The following SEC23A variants were observed in gnomAD, a reference collection of about 807,000 sequenced individuals.
The protein encoded by SEC23A is SEC23 homolog A, COPII component.
SEC23A carries 56 observed loss-of-function variants against 103.7 expected under a neutral mutation model. That is an observed-to-expected ratio of 0.54 (90% CI 0.44 to 0.67). The LOEUF (loss-of-function observed/expected upper bound fraction) is 0.67. SEC23A is among the 30% of genes least tolerant of loss of function. SEC23A has a pLI of 0.00. For missense variants in SEC23A, 784 were observed against 936.4 expected (o/e 0.84, Z 2.12); for synonymous variants, 281 against 293.0 (o/e 0.96, Z 0.42).
At chr14:39,050,421 C>T (rs1340680174) in intron 14 of SEC23A, among the ~76,000 whole-genome samples, 1 of 152,128 alleles carries the variant, frequency 6.6e-6, no homozygotes, top group African/African-American at 2.4e-5. Context: ...TCTGTAAAAA[C>T]AGTAAAGCTA....
chr14:39,102,990 C>A, intron 1 of SEC23A, 42 bp downstream of exon 1: 1 of 153,580 alleles, frequency 6.5e-6, no homozygotes, highest in South Asian at 1.8e-4. Context: ...TCCCAGCCCC[C>A]AGCCCGCCGC....
In SEC23A at chr14:39,064,958, T is replaced by C; in HGVS notation, c.1263A>G (p.Gly421=). The change falls in exon 11 of 20, where the codon GGA becomes GGG. Residue 421 remains glycine (G), a synonymous_variant. Coordinates refer to ENST00000307712, the MANE Select transcript of SEC23A (RefSeq NM_006364.4). ...SREIKISGAI[G]PCVSLNSKGP... Reference sequence around the variant, plus strand: ...CTTTAGAATTGAGTGACACACAGGGTCCAATAGCTCCTGAAATCTTTATTT... The same window carrying C: ...CTTTAGAATTGAGTGACACACAGGGCCCAATAGCTCCTGAAATCTTTATTT... 2 of 1,613,292 alleles carry C rather than the reference T, an allele frequency of 1.2e-6. No individual in the cohort carries two copies. Among genetic ancestry groups the C allele is most frequent in the Non-Finnish European group, 1.7e-6 (2 of 1,179,292 alleles).
chr14:39,067,160 T>C lies in SEC23A; in HGVS notation c.1227+13A>G. 5 of 1,613,660 alleles carry C rather than the reference T, an allele frequency of 3.1e-6. No homozygotes were observed. Among genetic ancestry groups the C allele is most frequent in the Non-Finnish European group, 4.2e-6 (5 of 1,179,816 alleles). ...TTGATAACATATCGCACATGTCAAGTTTTGGTTCTTACCTTTATTTCTAGC... is the reference window on the plus strand; with the variant it reads ...TTGATAACATATCGCACATGTCAAGCTTTGGTTCTTACCTTTATTTCTAGC... On this transcript the variant is annotated intron_variant, in intron 10 of 19. Coordinates refer to ENST00000307712, the MANE Select transcript of SEC23A (RefSeq NM_006364.4).
Position 39,048,689 on chromosome 14 carries a change from G to C in SEC23A, c.1700C>G (p.Ser567Cys). The change falls in exon 15 of 20, where the codon TCC (serine) becomes TGC (cysteine). Residue 567 changes from serine (S) to cysteine (C), a missense_variant. Around this residue, in one of 2 missense-constraint regions of SEC23A, gnomAD observed 683 missense variants for 774.2 expected, o/e 0.88. Coordinates refer to ENST00000307712, the MANE Select transcript of SEC23A (RefSeq NM_006364.4). ...FGEYHKDDPS[S>C]FRFSETFSLY... The stretch of plus-strand genomic sequence containing the variant: ...GGAGAAAGTTTCTGAAAATCTGAAG[G>C]AACTTGGGTCATCTTTATGATATTC... The C allele has an allele frequency of 6.3e-7, 1 of 1,594,478 alleles. No homozygotes were observed. Among genetic ancestry groups the C allele is most frequent in the Non-Finnish European group, 8.6e-7 (1 of 1,162,334 alleles).
intron 7 of SEC23A, among the ~76,000 whole-genome samples, chr14:39,084,080 G>C (rs1389240749): frequency 6.6e-6 from 1 of 151,888 alleles, no homozygotes; most frequent in Non-Finnish European, 1.5e-5. Context: ...GGAGTGCAGT[G>C]GCATGATCTC....
chr14:39,086,077 A>C (rs1002124426), intron 6 of SEC23A, among the ~76,000 whole-genome samples, 171 bp from the exon 7 acceptor site: 1 of 152,152 alleles, frequency 6.6e-6, no homozygotes, highest in African/African-American at 2.4e-5. Flanking sequence ...GTTTTAACAC[A>C]TATTGCTAGG....
chr14:39,059,662 C>T (rs944015891), intron 13 of SEC23A, among the ~76,000 whole-genome samples: 24 of 152,152 alleles, frequency 1.6e-4, no homozygotes, highest in Non-Finnish European at 4.4e-5. Context: ...TTTATATACA[C>T]ATTTTTTGCT....
chr14:39,063,371 G>C lies in SEC23A; in HGVS notation c.1351C>G (p.Leu451Val). Reference sequence around the variant, plus strand: ...ATGGCTAAGGTTGTAGTGGGACTAAGTCCACATATCTTCCACTGACATGTG... The same window carrying C: ...ATGGCTAAGGTTGTAGTGGGACTAACTCCACATATCTTCCACTGACATGTG... Reference protein sequence around the residue: ...GGTCQWKICGLSPTTTLAIYF... With the variant: ...GGTCQWKICGVSPTTTLAIYF... Residue 451 changes from leucine to valine, a missense_variant, in exon 12 of 20, where the codon CTT (leucine) becomes GTT (valine). Transcript: ENST00000307712. 6.2e-7 allele frequency: 1 copy of C among 1,612,462 alleles called. No homozygotes were observed. The highest frequency in any genetic ancestry group is 2.2e-5 in the East Asian group (1 of 44,786).
chr14:39,044,977 A>G (rs1455855996), intron 16 of SEC23A, among the ~76,000 whole-genome samples, 186 bp downstream of exon 16: 1 of 152,214 alleles, frequency 6.6e-6, no homozygotes, highest in East Asian at 1.9e-4. Context: ...TACAGCCTAC[A>G]TGGTATCTAG....
chr14:39,050,360 T>C (rs1055448462), intron 14 of SEC23A, among the ~76,000 whole-genome samples: 2 of 152,210 alleles, frequency 1.3e-5, no homozygotes, highest in Non-Finnish European at 2.9e-5. Context: ...AAAAGGACCC[T>C]AGGGGTCAAT....
rs976312458 is a variant in SEC23A, at chr14:39,086,206, C to A, written c.684-300G>T. Among the ~76,000 whole-genome samples the A allele has an allele frequency of 2.6e-5, 4 of 152,156 alleles. No homozygotes were observed. The East Asian group carries it at 7.7e-4, about 29-fold the overall frequency. On this transcript the variant is annotated intron_variant, in intron 6 of 19. Coordinates refer to ENST00000307712, the MANE Select transcript of SEC23A (RefSeq NM_006364.4). Reference sequence around the variant, plus strand: ...CCCAGAAACCACATTTTGAATACAACCACAATAAACGAAACACTCAAACCA... The same window carrying A: ...CCCAGAAACCACATTTTGAATACAAACACAATAAACGAAACACTCAAACCA...
intron 7 of SEC23A, among the ~76,000 whole-genome samples, chr14:39,077,635 A>G (rs1027364314): frequency 6.6e-6 from 1 of 152,222 alleles, no homozygotes; most frequent in Non-Finnish European, 1.5e-5. Flanking sequence ...AAGTTAATGG[A>G]TTGAATACCC....
At chr14:39,055,442 C>A in intron 13 of SEC23A, 146 bp from the exon 14 acceptor site, 1 of 778,042 alleles carries the variant, frequency 1.3e-6, no homozygotes, top group Non-Finnish European at 2.0e-6. Flanking sequence ...GAGTCTCGCT[C>A]TGTCACCTAG....
Position 39,096,004 on chromosome 14 carries a change from C to T in SEC23A, c.115G>A (p.Ala39Thr), listed in dbSNP as rs2139298560. 2 of 1,614,028 alleles carry T rather than the reference C, an allele frequency of 1.2e-6. No individual in the cohort carries two copies. The highest frequency in any genetic ancestry group is 1.7e-5 in the Admixed American group (1 of 60,012). Residue 39 changes from alanine (A) to threonine (T), a missense_variant, in exon 2 of 20, where the codon GCA becomes ACA. Coordinates refer to ENST00000307712, the MANE Select transcript of SEC23A (RefSeq NM_006364.4). ...LEATRMVVPV[A>T]ALFTPLKERP... is the part of the protein sequence containing the mutation. ...TCTTTCAGTGGTGTAAACAGGGCTGCCACAGGAACAACCATTCTTGTAGCT... is the reference window on the plus strand; with the variant it reads ...TCTTTCAGTGGTGTAAACAGGGCTGTCACAGGAACAACCATTCTTGTAGCT...
At chr14:39,087,768 T>C (rs1197067793) in intron 5 of SEC23A, 2 of 152,240 alleles carry the variant, frequency 1.3e-5, no homozygotes, top group Non-Finnish European at 2.9e-5. Context: ...TCCTGCAATA[T>C]TTCCTATACT....
intron 1 of SEC23A, among the ~76,000 whole-genome samples, chr14:39,100,615 G>C (rs1193450264): frequency 5.9e-5 from 9 of 151,892 alleles, no homozygotes; most frequent in African/African-American, 2.2e-4. Context: ...GTTTCTCCAT[G>C]TTGGTCAGGC....
chr14:39,039,890 G>A (rs1368080408), intron 18 of SEC23A: 1 of 152,078 alleles, frequency 6.6e-6, no homozygotes, highest in Non-Finnish European at 1.5e-5. Context: ...GATCAAATGA[G>A]ATAAGGCATG....
intron 18 of SEC23A, 190 bp from the exon 19 acceptor site, chr14:39,039,286 C>T (rs1278129912): frequency 3.6e-6 from 2 of 557,054 alleles, no homozygotes; most frequent in East Asian, 2.9e-5. Context: ...ATAATAAATG[C>T]ACCTCTTCTC....
At chr14:39,095,047 C>G in intron 2 of SEC23A, 1 of 694,512 alleles carries the variant, frequency 1.4e-6, no homozygotes, top group Non-Finnish European at 2.6e-6. Flanking sequence ...ACAGGGAGAG[C>G]AGGTAGGAGG....
Sources: gnomAD v4.1 joint callset for allele counts (sites outside exome capture counted in the v4.1 genomes callset) on GRCh38, gnomAD v4.1.1 for gene constraint, gnomAD v4.1.1 regional missense constraint, MANE v1.5 for transcripts, NCBI Gene and HGNC (gene_info 2026-07-23, HGNC 2026-07-21) for gene names.